The following LRRC9 variants were observed in gnomAD, a reference collection of about 807,000 sequenced individuals.
The protein encoded by LRRC9 is leucine rich repeat containing 9, also known as leucine-rich repeat-containing protein 9.
In LRRC9, 122 loss-of-function variants were observed where a neutral mutation model predicts 63.2. The ratio of observed to expected loss-of-function variants is 1.93; its 90% confidence interval spans 1.67 to 2.24. LRRC9 has a LOEUF of 2.24. Ranked by LOEUF, LRRC9 falls within the 30% of genes most tolerant of loss-of-function variation. LRRC9 has a pLI of 0.00. For synonymous variants in LRRC9, 366 were observed against 213.1 expected, an observed-to-expected ratio of 1.72 and a Z score of -6.25; for missense variants, 1,071 against 627.7, an observed-to-expected ratio of 1.71 and a Z score of -7.55.
rs888341805 is a variant in LRRC9 at position 59,966,178 on chromosome 14, A to T, written c.1212-411A>T. Among the ~76,000 whole-genome samples, 4 of 152,176 alleles carry T rather than the reference A, an allele frequency of 2.6e-5. No homozygotes were observed. The highest frequency in any genetic ancestry group is 4.4e-5 in the Non-Finnish European group (3 of 68,028). On this transcript the variant is annotated intron_variant, in intron 10 of 31. Coordinates refer to ENST00000445360, the Ensembl canonical transcript of LRRC9. The surrounding 1 kb of genome is among the most constrained non-coding windows in gnomAD (Gnocchi z 4.0). Reference sequence around the variant, plus strand: ...TAGAAATAAAATGTTGTAATTTATCAGGATGTATATAAAGCCAAGGAACCA... The same window carrying T: ...TAGAAATAAAATGTTGTAATTTATCTGGATGTATATAAAGCCAAGGAACCA...
chr14:59,925,003 C>T (rs1332696164), intron 1 of LRRC9, among the ~76,000 whole-genome samples: 1 of 151,908 alleles, frequency 6.6e-6, no homozygotes, highest in African/African-American at 2.4e-5. Flanking sequence ...ATTTCTTTGC[C>T]CAGATTCCAC....
chr14:59,977,772 A>G (rs1228777924), intron 14 of LRRC9, among the ~76,000 whole-genome samples: 1 of 152,108 alleles, frequency 6.6e-6, no homozygotes, highest in Non-Finnish European at 1.5e-5. Context: ...AAGGATTTAT[A>G]TAATTAAAAA....
intron 29 of LRRC9, among the ~76,000 whole-genome samples, chr14:60,052,025 T>TGA (rs775355686): frequency 2.0e-5 from 3 of 152,178 alleles, no homozygotes; most frequent in Non-Finnish European, 4.4e-5. Flanking sequence ...AGTCCCAATG[T>TGA]GAGAACCTGG....
chr14:59,966,218 G>A lies in LRRC9; in HGVS notation c.1212-371G>A, dbSNP rs909080691. 2.0e-5 allele frequency among the ~76,000 whole-genome samples: 3 copies of A among 152,102 alleles called. No homozygotes were observed. The highest frequency in any genetic ancestry group is 4.4e-5 in the Non-Finnish European group (3 of 68,030). ...CCAAGGAACCACGTGAAATCATCTA[G>A]GGAGAGTGTTCGTGGAAGCAAGAGG... On this transcript the variant is annotated intron_variant, in intron 10 of 31. Transcript: ENST00000445360. This position sits in a 1 kb window ranked among gnomAD's most constrained non-coding sequence, Gnocchi z 4.0.
At chr14:59,977,824 A>G (rs911721777) in intron 14 of LRRC9, among the ~76,000 whole-genome samples, 193 bp from the exon 15 acceptor site, 1 of 152,106 alleles carries the variant, frequency 6.6e-6, no homozygotes, top group African/African-American at 2.4e-5. Flanking sequence ...AGGATGAAAG[A>G]AAAAATCCTC....
intron 12 of LRRC9, among the ~76,000 whole-genome samples, chr14:59,972,446 T>C (rs1885623486): frequency 6.6e-6 from 1 of 152,088 alleles, no homozygotes; most frequent in Non-Finnish European, 1.5e-5. Context: ...GTAGTCTTTC[T>C]TGTATCAGCC....
chr14:60,064,745 T>TC (rs1205168129), downstream of LRRC9, among the ~76,000 whole-genome samples: 2 of 152,328 alleles, frequency 1.3e-5, no homozygotes, highest in East Asian at 3.9e-4. Context: ...GTTGTGACAG[T>TC]CTACTCTTCA....
At position 60,054,669 on chromosome 14, in the gene LRRC9, G is replaced by GA. The variant is rs147729479; in HGVS notation, c.4131+1465dup. 3.4e-3 allele frequency among the ~76,000 whole-genome samples: 515 copies of GA among 152,194 alleles called. 17 individuals carry two copies. The East Asian group carries it at 0.058, about 17-fold the overall frequency. ...ACCAATCAAGGGACCCTTGCCTACA[G>GA]AGCAGCTTTGGTCCTTCATCAAAAG... On this transcript the variant is annotated intron_variant, in intron 30 of 31. Coordinates refer to ENST00000445360, the Ensembl canonical transcript of LRRC9.
chr14:59,937,037 G>A (rs1890190957), intron 6 of LRRC9, among the ~76,000 whole-genome samples: 1 of 152,044 alleles, frequency 6.6e-6, no homozygotes, highest in South Asian at 2.1e-4. Context: ...AAGGTATGAG[G>A]ATATCCTCGA....
At chr14:59,974,141 A>C (rs986811189) in intron 12 of LRRC9, among the ~76,000 whole-genome samples, 1 of 152,138 alleles carries the variant, frequency 6.6e-6, no homozygotes, top group Non-Finnish European at 1.5e-5. Flanking sequence ...TTAACACATG[A>C]AAAGTGTTTT....
chr14:59,938,676 T>C lies in LRRC9; in HGVS notation c.726+104T>C. The C allele has an allele frequency of 2.0e-6, 1 of 490,724 alleles. No individual in the cohort carries two copies. 30.4% of individuals were successfully genotyped at this position (490,724 alleles called of 1,614,324 possible). A position where few individuals can be genotyped will look rare whatever the true frequency, so the allele number is the denominator to read the frequency against. Reference sequence around the variant, plus strand: ...GTAGGTAGGATTATCAGTTCAGTTCTTGTTGCCAAGTCTGCTTTTGCCCTA... The same window carrying C: ...GTAGGTAGGATTATCAGTTCAGTTCCTGTTGCCAAGTCTGCTTTTGCCCTA... On this transcript the variant is annotated intron_variant, in intron 7 of 31. Transcript: ENST00000445360. This position sits in a 1 kb window ranked among gnomAD's most constrained non-coding sequence, Gnocchi z 4.2.
intron 31 of LRRC9, 116 bp from the exon 33 acceptor site, chr14:60,063,207 G>C (rs1033153918): frequency 4.5e-5 from 28 of 622,030 alleles, no homozygotes; most frequent in Middle Eastern, 8.6e-4. Flanking sequence ...TTGTCTTTTT[G>C]AAATTGCGCA....
intron 16 of LRRC9, among the ~76,000 whole-genome samples, chr14:59,982,672 T>C (rs1594937759): frequency 3.9e-5 from 6 of 152,226 alleles, no homozygotes; most frequent in Admixed American, 2.0e-4. Flanking sequence ...ATTGAAACTA[T>C]AGCACCTGCA....
intron 23 of LRRC9, among the ~76,000 whole-genome samples, chr14:60,013,067 T>C (rs915968381): frequency 1.3e-4 from 20 of 151,624 alleles, no homozygotes; most frequent in African/African-American, 4.6e-4. Flanking sequence ...CATTAACTCG[T>C]CATTTAGCAT....
chr14:59,939,669 A>G (rs1881548494), intron 7 of LRRC9, among the ~76,000 whole-genome samples: 1 of 152,042 alleles, frequency 6.6e-6, no homozygotes, highest in Non-Finnish European at 1.5e-5. Flanking sequence ...TACAGAGGAA[A>G]GAAGTAGAGA....
chr14:59,964,171 G>A lies in LRRC9; in HGVS notation c.1212-2418G>A, dbSNP rs182536753. ...ATCCTCTACTGTAGGTGAAGAGTCT[G>A]AATGTAATTTGGAAGGTAACAAATG... On this transcript the variant is annotated intron_variant, in intron 10 of 31. Transcript: ENST00000445360. This position sits in a 1 kb window ranked among gnomAD's most constrained non-coding sequence, Gnocchi z 4.4. 2.6e-5 allele frequency among the ~76,000 whole-genome samples: 4 copies of A among 152,326 alleles called. No homozygotes were observed. The East Asian group carries it at 7.7e-4, about 29-fold the overall frequency.
At chr14:60,037,813 T>C (rs1277041081) in intron 29 of LRRC9, among the ~76,000 whole-genome samples, 1 of 152,228 alleles carries the variant, frequency 6.6e-6, no homozygotes, top group Non-Finnish European at 1.5e-5. Flanking sequence ...GCCATTGCTG[T>C]TGGTGTTTTA....
intron 29 of LRRC9, among the ~76,000 whole-genome samples, chr14:60,041,791 G>A (rs140665462): frequency 0.021 from 3,184 of 152,226 alleles, 138 homozygotes; most frequent in African/African-American, 0.073. Context: ...TGTTGCTGGC[G>A]AGGAGCTGCA....
rs1888018994 is a variant in LRRC9, at chr14:59,990,902, T to C, written c.2211+5678T>C. Reference sequence around the variant, plus strand: ...TCCTTCTTCTCCCACATGAATACCATGCAGGTCTTGTGTTGATGGTGGTTT... The same window carrying C: ...TCCTTCTTCTCCCACATGAATACCACGCAGGTCTTGTGTTGATGGTGGTTT... On this transcript the variant is annotated intron_variant, in intron 17 of 31. Coordinates refer to ENST00000445360, the Ensembl canonical transcript of LRRC9. The surrounding 1 kb of genome is among the most constrained non-coding windows in gnomAD (Gnocchi z 4.2). 6.6e-6 allele frequency among the ~76,000 whole-genome samples: 1 copy of C among 152,246 alleles called. No individual in the cohort carries two copies. The highest frequency in any genetic ancestry group is 2.4e-5 in the African/African-American group (1 of 41,476).
Sources: gnomAD v4.1 joint callset for allele counts (sites outside exome capture counted in the v4.1 genomes callset) on GRCh38, gnomAD v4.1.1 for gene constraint, Gnocchi (gnomAD v3.1) non-coding constraint, MANE v1.5 for transcripts, NCBI Gene and HGNC (gene_info 2026-07-23, HGNC 2026-07-21) for gene names.